AATF: variants seen among roughly 807,000 people sequenced by gnomAD.
AATF encodes the protein apoptosis antagonizing transcription factor.
Under a neutral mutation model 63.7 loss-of-function variants are expected in AATF, and 48 were observed. The observed-to-expected ratio is 0.75, with a 90% CI of 0.60 to 0.96. AATF has a LOEUF of 0.96. Ranked by LOEUF, AATF falls within the 40% of genes least tolerant of loss-of-function variation. The probability of loss-of-function intolerance (pLI) is 0.00; values close to 1 mark genes in which losing one functional copy is unlikely to be tolerated. For missense variants in AATF, 639 were observed against 685.7 expected (o/e 0.93, Z 0.76); for synonymous variants, 258 against 247.7 (o/e 1.04, Z -0.39).
Position 37,031,696 on chromosome 17 carries a change from GATTA to G in AATF, c.1619+16_1619+19del, listed in dbSNP as rs1260507829. 1.2e-6 allele frequency: 2 copies of G among 1,608,696 alleles called. No individual in the cohort carries two copies. Among genetic ancestry groups the G allele is most frequent in the East Asian group, 2.2e-5 (1 of 44,876 alleles). ...GAATGATGATGCCAGGTGAGTAATA[GATTA>G]ATTATGTGTCTCAAATGGCTTCATG... On this transcript the variant is annotated intron_variant, in intron 11 of 11. Transcript: ENST00000619387.
At chr17:36,999,481 T>A (rs1203923620) in intron 8 of AATF, among the ~76,000 whole-genome samples, 1 of 152,208 alleles carries the variant, frequency 6.6e-6, no homozygotes, top group East Asian at 1.9e-4. Flanking sequence ...TAACCACATG[T>A]GCTAGTTGCT....
At chr17:37,021,804 C>CAAA (rs1246008885) in intron 10 of AATF, among the ~76,000 whole-genome samples, 51 of 90,380 alleles carry the variant, frequency 5.6e-4, no homozygotes, top group Non-Finnish European at 6.9e-4. Context: ...GACTCCGTCT[C>CAAA]AAAAAAAAAA....
At chr17:36,982,230 TTTG>T (rs1241243781) in intron 4 of AATF, among the ~76,000 whole-genome samples, 3 of 141,286 alleles carry the variant, frequency 2.1e-5, no homozygotes, top group African/African-American at 9.0e-5. Flanking sequence ...TGTTTTTTGT[TTTG>T]TTTTTTTTTT....
At chr17:36,987,650 C>A (rs2071179584) in intron 5 of AATF, among the ~76,000 whole-genome samples, 1 of 152,192 alleles carries the variant, frequency 6.6e-6, no homozygotes, top group South Asian at 2.1e-4. Context: ...GTGAGTGCAA[C>A]TGGCAGATAG....
chr17:37,021,337 A>ATTC (rs1462562386), intron 10 of AATF, among the ~76,000 whole-genome samples: 1 of 152,210 alleles, frequency 6.6e-6, no homozygotes, highest in East Asian at 1.9e-4. Context: ...GAATAATATA[A>ATTC]AAATGTTATG....
chr17:37,005,241 C>T (rs1190567995), intron 8 of AATF, among the ~76,000 whole-genome samples: 2 of 152,182 alleles, frequency 1.3e-5, no homozygotes, highest in African/African-American at 2.4e-5. Context: ...CCCTAAGGGA[C>T]TGTGGGTCTG....
intron 4 of AATF, among the ~76,000 whole-genome samples, chr17:36,955,948 A>C (rs1043443853): frequency 6.6e-6 from 1 of 151,902 alleles, no homozygotes; most frequent in Non-Finnish European, 1.5e-5. Context: ...TTTTTTGTGG[A>C]AATAGGGTCT....
intron 4 of AATF, among the ~76,000 whole-genome samples, chr17:36,955,848 G>A (rs939133986): frequency 2.0e-5 from 3 of 152,026 alleles, no homozygotes; most frequent in Non-Finnish European, 2.9e-5. Context: ...TTGCAGCTTC[G>A]AACTCTTGGG....
intron 4 of AATF, among the ~76,000 whole-genome samples, chr17:36,965,753 G>C (rs2070986482): frequency 6.6e-6 from 1 of 152,130 alleles, no homozygotes; most frequent in Non-Finnish European, 1.5e-5. Context: ...CCACGCTGGA[G>C]TGTGGTGGTG....
At chr17:37,053,285 ATATAT>A (rs781721204) in intron 11 of AATF, among the ~76,000 whole-genome samples, 28 of 152,016 alleles carry the variant, frequency 1.8e-4, no homozygotes, top group Non-Finnish European at 3.4e-4. Context: ...TAAAATTAGG[ATATAT>A]TATATCATAT....
At chr17:36,992,797 T>A (rs115954247) in intron 8 of AATF, among the ~76,000 whole-genome samples, 1,615 of 152,264 alleles carry the variant, frequency 0.011, 28 homozygotes, top group African/African-American at 0.037. Context: ...AAATTAAAAC[T>A]TAAACTAATA....
chr17:37,007,843 G>A (rs1055056281), intron 8 of AATF, among the ~76,000 whole-genome samples: 2 of 152,120 alleles, frequency 1.3e-5, no homozygotes, highest in Non-Finnish European at 2.9e-5. Flanking sequence ...AGGGTATTGT[G>A]GGGGAGCTGA....
intron 5 of AATF, among the ~76,000 whole-genome samples, chr17:36,987,291 A>G (rs1481507943): frequency 6.6e-6 from 1 of 151,978 alleles, no homozygotes; most frequent in Non-Finnish European, 1.5e-5. Flanking sequence ...TCACCTGGCC[A>G]AAAGCACATT....
At chr17:36,961,589 C>T (rs545940427) in intron 4 of AATF, among the ~76,000 whole-genome samples, 1 of 152,128 alleles carries the variant, frequency 6.6e-6, no homozygotes, top group Admixed American at 6.5e-5. Context: ...TTAGTAGCCA[C>T]GTGTAGCTAG....
intron 11 of AATF, among the ~76,000 whole-genome samples, chr17:37,047,744 G>A (rs1288052287): frequency 6.6e-6 from 1 of 152,206 alleles, no homozygotes; most frequent in African/African-American, 2.4e-5. Context: ...GCACTGGGGA[G>A]GATGGTGATG....
At chr17:37,047,821 C>A (rs561012172) in intron 11 of AATF, among the ~76,000 whole-genome samples, 7 of 152,284 alleles carry the variant, frequency 4.6e-5, no homozygotes, top group Non-Finnish European at 8.8e-5. Flanking sequence ...GGAAACGAGT[C>A]GTGTACTGCC....
chr17:37,050,183 G>C (rs1378257289), intron 11 of AATF, among the ~76,000 whole-genome samples: 1 of 152,124 alleles, frequency 6.6e-6, no homozygotes, highest in Non-Finnish European at 1.5e-5. Context: ...GCCCATGGCT[G>C]TAAGTCCTAA....
chr17:37,013,778 A>G (rs561036053), intron 8 of AATF, among the ~76,000 whole-genome samples: 1 of 152,270 alleles, frequency 6.6e-6, no homozygotes, highest in African/African-American at 2.4e-5. Flanking sequence ...TTTTTCTTAC[A>G]AATTTGTTTT....
chr17:36,961,033 G>A (rs79931536), intron 4 of AATF, among the ~76,000 whole-genome samples: 2 of 151,972 alleles, frequency 1.3e-5, no homozygotes, highest in Non-Finnish European at 2.9e-5. Context: ...ACCTTTTCGC[G>A]TGCACACACA....
Sources: allele counts gnomAD v4.1 joint callset (sites outside exome capture counted in the v4.1 genomes callset), GRCh38; gene constraint gnomAD v4.1.1; transcripts MANE v1.5; gene names NCBI Gene and HGNC (gene_info 2026-07-23, HGNC 2026-07-21).